DAB1: variants seen among roughly 807,000 people sequenced by gnomAD.
DAB1 encodes the protein disabled homolog 1.
Under a neutral mutation model 64.6 loss-of-function variants are expected in DAB1, and 15 were observed. That is an observed-to-expected ratio of 0.23 (90% CI 0.16 to 0.36). DAB1 has a LOEUF of 0.36. DAB1 is among the 10% of genes least tolerant of loss of function. DAB1 has a pLI of 1.00. For synonymous variants in DAB1, 235 were observed against 251.9 expected (o/e 0.93, Z 0.64); for missense variants, 596 against 706.7 (o/e 0.84, Z 1.78).
chr1:57,937,080 G>A (rs1645037139), intron 5 of DAB1, among the ~76,000 whole-genome samples: 1 of 152,038 alleles, frequency 6.6e-6, no homozygotes, highest in South Asian at 2.1e-4. Context: ...CTCCAGGAAA[G>A]CAGATGCCTT....
chr1:58,059,707 A>G (rs1273664032), intron 5 of DAB1, among the ~76,000 whole-genome samples: 4 of 152,192 alleles, frequency 2.6e-5, no homozygotes, highest in Non-Finnish European at 5.9e-5. Flanking sequence ...AGCCAAATCC[A>G]CCACATGGAG....
chr1:57,083,017 A>G (rs1047038869), intron 4 of DAB1, among the ~76,000 whole-genome samples: 3 of 152,228 alleles, frequency 2.0e-5, no homozygotes, highest in African/African-American at 7.2e-5. Context: ...TTCTCCAAAC[A>G]TGCATAAGAA....
chr1:57,976,285 C>A (rs1645918064), intron 5 of DAB1, among the ~76,000 whole-genome samples: 3 of 152,300 alleles, frequency 2.0e-5, no homozygotes, highest in East Asian at 1.9e-4. Flanking sequence ...GCAGCCACCA[C>A]CAAACCATCT....
intron 6 of DAB1, among the ~76,000 whole-genome samples, chr1:57,806,926 G>C (rs541217966): frequency 6.6e-6 from 1 of 152,216 alleles, no homozygotes; most frequent in Admixed American, 6.5e-5. Flanking sequence ...AAGAGGACAG[G>C]GATTTTGTTT....
chr1:57,279,843 G>A (rs1671748942), intron 2 of DAB1, among the ~76,000 whole-genome samples: 1 of 152,230 alleles, frequency 6.6e-6, no homozygotes, highest in Non-Finnish European at 1.5e-5. Flanking sequence ...GACAAGAGAT[G>A]TGAAGTGAAG....
chr1:57,541,175 C>CTGGAG (rs1380060489), intron 7 of DAB1, among the ~76,000 whole-genome samples: 1 of 150,558 alleles, frequency 6.6e-6, no homozygotes, highest in African/African-American at 2.4e-5. Flanking sequence ...GTCACCCAGG[C>CTGGAG]TGGAGTGCAG....
rs373733135 is a variant in DAB1 at position 57,695,757 on chromosome 1, A to T, written n.552-46092T>A. 4.6e-5 allele frequency among the ~76,000 whole-genome samples: 7 copies of T among 152,178 alleles called. 1 individual carries two copies. The South Asian group carries it at 1.5e-3, about 32-fold the overall frequency. On this transcript the variant is annotated intron_variant and non_coding_transcript_variant, in intron 6 of 20. Transcript: ENST00000485760. Reference sequence around the variant, plus strand: ...TCTACTGAAAATACAAAAATTAGTCAGGTGTGATGGCGAGCACCTGTAATC... The same window carrying T: ...TCTACTGAAAATACAAAAATTAGTCTGGTGTGATGGCGAGCACCTGTAATC...
intron 5 of DAB1, among the ~76,000 whole-genome samples, chr1:57,902,659 T>C (rs1450841206): frequency 6.6e-6 from 1 of 152,180 alleles, no homozygotes; most frequent in East Asian, 1.9e-4. Context: ...TTTTACAGAA[T>C]AATCCTCAAT....
chr1:57,399,490 T>A (rs1337484926), intron 1 of DAB1, among the ~76,000 whole-genome samples: 1 of 152,222 alleles, frequency 6.6e-6, no homozygotes, highest in Non-Finnish European at 1.5e-5. Flanking sequence ...ACAGGCATAT[T>A]TGCTTGTATA....
At chr1:57,085,061 G>A (rs1652936731) in intron 4 of DAB1, among the ~76,000 whole-genome samples, 1 of 152,160 alleles carries the variant, frequency 6.6e-6, no homozygotes, top group Non-Finnish European at 1.5e-5. Flanking sequence ...TTACCTTAGG[G>A]TCTCAGCAGG....
At chr1:58,007,024 G>C (rs1646594477) in intron 5 of DAB1, among the ~76,000 whole-genome samples, 1 of 152,146 alleles carries the variant, frequency 6.6e-6, no homozygotes, top group South Asian at 2.1e-4. Flanking sequence ...GAGGTGGGCT[G>C]TTAGCAGCCA....
intron 6 of DAB1, among the ~76,000 whole-genome samples, chr1:57,723,695 A>G (rs558101656): frequency 7.3e-4 from 111 of 152,212 alleles, no homozygotes; most frequent in Non-Finnish European, 1.1e-3. Flanking sequence ...CTTAGTTCCT[A>G]TATGCAGATA....
chr1:58,198,976 G>A (rs1345440551), intron 4 of DAB1, among the ~76,000 whole-genome samples: 1 of 152,046 alleles, frequency 6.6e-6, no homozygotes, highest in African/African-American at 2.4e-5. Context: ...GCACGGTGGC[G>A]CATGCCTGTA....
At chr1:58,153,453 T>C (rs1367612065) in intron 4 of DAB1, among the ~76,000 whole-genome samples, 1 of 152,186 alleles carries the variant, frequency 6.6e-6, no homozygotes, top group Non-Finnish European at 1.5e-5. Flanking sequence ...CCTCCTGAAA[T>C]AGATCCCAGC....
rs548912856 is a variant in DAB1, at chr1:58,259,794, A to G, written n.309+83558T>C. 1.8e-4 allele frequency among the ~76,000 whole-genome samples: 28 copies of G among 152,362 alleles called. No individual in the cohort carries two copies. The South Asian group carries it at 5.8e-3, about 32-fold the overall frequency. On this transcript the variant is annotated intron_variant and non_coding_transcript_variant, in intron 4 of 20. Coordinates refer to the DAB1 transcript ENST00000485760. Reference sequence around the variant, plus strand: ...TTTGTTCAAACCATGAAAAGCAGGCAAGATACAGCTTTATCCACAAAGAAT... The same window carrying G: ...TTTGTTCAAACCATGAAAAGCAGGCGAGATACAGCTTTATCCACAAAGAAT...
chr1:57,174,312 T>C (rs1472862754), intron 2 of DAB1, among the ~76,000 whole-genome samples: 1 of 152,158 alleles, frequency 6.6e-6, no homozygotes, highest in African/African-American at 2.4e-5. Flanking sequence ...ATTGTCCTGC[T>C]GTCCCCTAGA....
chr1:58,127,098 T>C (rs6672457), intron 5 of DAB1, among the ~76,000 whole-genome samples: 26,728 of 145,584 alleles, frequency 0.18, 2,652 homozygotes, highest in East Asian at 0.33. Flanking sequence ...GTTCCTATTT[T>C]TCCACATCCT....
intron 7 of DAB1, among the ~76,000 whole-genome samples, chr1:57,598,834 G>A (rs1302679312): frequency 6.6e-6 from 1 of 152,158 alleles, no homozygotes; most frequent in East Asian, 1.9e-4. Context: ...ACATCCAGGG[G>A]CTCAGCAGCC....
chr1:57,485,601 T>G (rs542769244), intron 7 of DAB1, among the ~76,000 whole-genome samples: 1 of 152,310 alleles, frequency 6.6e-6, no homozygotes, highest in South Asian at 2.1e-4. Context: ...CAGACCTGAA[T>G]TCAGATCTTT....
Sources: gnomAD v4.1 joint callset for allele counts (sites outside exome capture counted in the v4.1 genomes callset) on GRCh38, gnomAD v4.1.1 for gene constraint, MANE v1.5 for transcripts, NCBI Gene and HGNC (gene_info 2026-07-23, HGNC 2026-07-21) for gene names.